Variants in PHOSPHO2 observed in about 807,000 individuals in gnomAD.
PHOSPHO2 encodes the protein phosphatase, orphan 2.
In PHOSPHO2, 14 loss-of-function variants were observed where a neutral mutation model predicts 16.4. The ratio of observed to expected loss-of-function variants is 0.85; its 90% CI spans 0.56 to 1.33. PHOSPHO2 has a LOEUF of 1.33. Ranked by LOEUF, PHOSPHO2 falls within the 40% of genes most tolerant of loss-of-function variation. PHOSPHO2 has a pLI of 0.00. For missense variants in PHOSPHO2, 246 were observed against 282.5 expected, an observed-to-expected ratio of 0.87 and a Z score of 0.93; for synonymous variants, 85 against 90.5, an observed-to-expected ratio of 0.94 and a Z score of 0.34.
intron 2 of PHOSPHO2, among the ~76,000 whole-genome samples, chr2:169,697,079 G>A (rs532573358): frequency 1.3e-5 from 2 of 151,278 alleles, no homozygotes; most frequent in African/African-American, 2.4e-5. Context: ...GCAGTGGCGC[G>A]ATCTCGGCTC....
At chr2:169,696,937 A>C (rs779016911) in intron 2 of PHOSPHO2, among the ~76,000 whole-genome samples, 9 of 152,210 alleles carry the variant, frequency 5.9e-5, no homozygotes, top group Non-Finnish European at 4.4e-5. Context: ...ACCAAGTGGA[A>C]AGCAAAACTT....
chr2:169,701,224 A>G lies in PHOSPHO2; in HGVS notation c.253A>G (p.Ile85Val), dbSNP rs1687744188. ...TPGMVELFNF[I>V]RKNKDKFDCI... Reference sequence around the variant, plus strand: ...AGGGATGGTGGAACTCTTCAACTTTATAAGAAAGAATAAGGATAAATTTGA... The same window carrying G: ...AGGGATGGTGGAACTCTTCAACTTTGTAAGAAAGAATAAGGATAAATTTGA... Residue 85 changes from isoleucine (I) to valine (V), a missense_variant, in exon 4 of 4, where the codon ATA becomes GTA. By Grantham distance (29) the Ile-to-Val change is conservative. Transcript: ENST00000359744. 3.7e-6 allele frequency: 6 copies of G among 1,614,062 alleles called. No individual in the cohort carries two copies. The highest frequency in any genetic ancestry group is 5.1e-6 in the Non-Finnish European group (6 of 1,179,980).
intron 2 of PHOSPHO2, among the ~76,000 whole-genome samples, chr2:169,695,970 ATAGTC>A (rs1255633705): frequency 1.3e-5 from 2 of 152,186 alleles, no homozygotes; most frequent in South Asian, 4.1e-4. Flanking sequence ...CCTTGAGACA[ATAGTC>A]TAGAGGAAAG....
intron 2 of PHOSPHO2, among the ~76,000 whole-genome samples, chr2:169,696,953 T>C (rs1014695846): frequency 1.3e-5 from 2 of 152,066 alleles, no homozygotes; most frequent in Non-Finnish European, 2.9e-5. Context: ...AACTTTGTTC[T>C]CCTATTGCCA....
At chr2:169,698,692 C>G (rs937858847) in intron 3 of PHOSPHO2, among the ~76,000 whole-genome samples, 11 of 152,140 alleles carry the variant, frequency 7.2e-5, no homozygotes, top group Non-Finnish European at 1.0e-4. Flanking sequence ...CCAGCTTATT[C>G]TTTCCTTTTC....
intron 3 of PHOSPHO2, among the ~76,000 whole-genome samples, chr2:169,699,621 C>T (rs546041077): frequency 1.3e-5 from 2 of 152,294 alleles, no homozygotes; most frequent in East Asian, 3.9e-4. Context: ...GATGGTTGAA[C>T]TAATTTAATT....
chr2:169,696,799 C>T (rs1687553773), intron 2 of PHOSPHO2, among the ~76,000 whole-genome samples: 1 of 152,150 alleles, frequency 6.6e-6, no homozygotes, highest in South Asian at 2.1e-4. Flanking sequence ...ATGTGGAACT[C>T]CTCTATTATT....
chr2:169,699,790 CT>C (rs941120013), intron 3 of PHOSPHO2, among the ~76,000 whole-genome samples: 1 of 151,956 alleles, frequency 6.6e-6, no homozygotes, highest in African/African-American at 2.4e-5. Context: ...TGATGTTGAG[CT>C]TTTTTTTCAT....
At chr2:169,700,479 A>G (rs1687713633) in intron 3 of PHOSPHO2, among the ~76,000 whole-genome samples, 1 of 151,942 alleles carries the variant, frequency 6.6e-6, no homozygotes, top group Non-Finnish European at 1.5e-5. Flanking sequence ...TTGTTACTAA[A>G]TACCTTTTCT....
intron 3 of PHOSPHO2, chr2:169,697,749 T>G (rs553238895): frequency 6.6e-6 from 1 of 152,250 alleles, no homozygotes; most frequent in East Asian, 1.9e-4. Context: ...ATTTGAAATT[T>G]GTTTTAATTA....
At chr2:169,695,310 T>C (rs1262431292) in intron 2 of PHOSPHO2, 63 bp downstream of exon 2, 1 of 152,238 alleles carries the variant, frequency 6.6e-6, no homozygotes, top group Non-Finnish European at 1.5e-5. Context: ...CATACAGCGC[T>C]GGTAGGTTTT....
chr2:169,701,699 A>G lies in PHOSPHO2; in HGVS notation c.*2A>G. 6.6e-7 allele frequency: 1 copy of G among 1,510,828 alleles called. No individual in the cohort carries two copies. Among genetic ancestry groups the G allele is most frequent in the Non-Finnish European group, 8.9e-7 (1 of 1,126,310 alleles). 93.6% of individuals were successfully genotyped at this position (1,510,828 alleles called of 1,614,324 possible). A position where few individuals can be genotyped will look rare whatever the true frequency, so the allele number is the denominator to read the frequency against. ...TTACAATTTCTAATAAAGGATTAATATGTCAGCAATTGAAAAGTGTATCAC... is the reference window on the plus strand; with the variant it reads ...TTACAATTTCTAATAAAGGATTAATGTGTCAGCAATTGAAAAGTGTATCAC... On this transcript the variant is annotated 3_prime_UTR_variant, in exon 4 of 4. Coordinates refer to ENST00000359744, the MANE Select transcript of PHOSPHO2 (RefSeq NM_001008489.4).
intron 1 of PHOSPHO2, 94 bp from the exon 2 acceptor site, chr2:169,695,121 C>T (rs1687468802): frequency 6.6e-6 from 1 of 152,228 alleles, no homozygotes; most frequent in Non-Finnish European, 1.5e-5. Context: ...GACGTGTACA[C>T]ATAATGCACC....
chr2:169,696,851 A>G (rs1276803961), intron 2 of PHOSPHO2, among the ~76,000 whole-genome samples: 6 of 152,202 alleles, frequency 3.9e-5, no homozygotes, highest in Admixed American at 3.9e-4. Flanking sequence ...AATCTCAATC[A>G]GCTTAACACT....
chr2:169,701,097 AT>A lies in PHOSPHO2; in HGVS notation c.130del (p.Trp44GlyfsTer17). 1 of 1,614,064 alleles carries A rather than the reference AT, an allele frequency of 6.2e-7. No homozygotes were observed. The highest frequency in any genetic ancestry group is 8.5e-7 in the Non-Finnish European group (1 of 1,179,984). On this transcript the variant is annotated frameshift_variant, in exon 4 of 4. Transcript: ENST00000359744. LOFTEE classifies it high-confidence loss of function. The part of the protein sequence containing the change: ...IELRDSYRKG[F>X]WTEFMGRVFK... The stretch of plus-strand genomic sequence containing the variant: ...AACTACGTGATTCTTATCGAAAAGG[AT>A]TTTGGACAGAATTTATGGGCAGAGT...
Position 169,701,253 on chromosome 2 carries a change from CATT to C in PHOSPHO2, c.289_291del (p.Ile97del). The C allele has an allele frequency of 6.2e-7, 1 of 1,613,722 alleles. No individual in the cohort carries two copies. On this transcript the variant is annotated inframe_deletion, in exon 4 of 4. Transcript: ENST00000359744. Reference sequence around the variant, plus strand: ...GAAAGAATAAGGATAAATTTGACTGCATTATTATTTCAGATTCAAATTCGGTCT... The same window carrying C: ...GAAAGAATAAGGATAAATTTGACTGCATTATTTCAGATTCAAATTCGGTCT...
Position 169,701,507 on chromosome 2 carries a change from A to T in PHOSPHO2, c.536A>T (p.Asp179Val). Residue 179 changes from aspartate (D) to valine (V), a missense_variant, in exon 4 of 4, where the codon GAT becomes GTT. Physicochemically the swap from Asp to Val is radical, Grantham distance 152. Transcript: ENST00000359744. Reference protein sequence around the residue: ...VNYTQIVYIGDGGNDVCPVTF... With the variant: ...VNYTQIVYIGVGGNDVCPVTF... Reference sequence around the variant, plus strand: ...TATACACAAATTGTTTATATTGGTGATGGTGGAAATGATGTCTGTCCAGTC... The same window carrying T: ...TATACACAAATTGTTTATATTGGTGTTGGTGGAAATGATGTCTGTCCAGTC... 1 of 1,613,630 alleles carries T rather than the reference A, an allele frequency of 6.2e-7. No homozygotes were observed. Among genetic ancestry groups the T allele is most frequent in the Non-Finnish European group, 8.5e-7 (1 of 1,179,888 alleles).
intron 3 of PHOSPHO2, among the ~76,000 whole-genome samples, chr2:169,699,638 C>T (rs1232274577): frequency 3.3e-5 from 5 of 152,198 alleles, no homozygotes; most frequent in Non-Finnish European, 7.3e-5. Context: ...AATTTACACT[C>T]CTACCAACAG....
Position 169,697,417 on chromosome 2 carries a change from T to C in PHOSPHO2, c.-141T>C, listed in dbSNP as rs1046141958. 3 of 152,220 alleles carry C rather than the reference T, an allele frequency of 2.0e-5. No individual in the cohort carries two copies. Among genetic ancestry groups the C allele is most frequent in the Non-Finnish European group, 2.9e-5 (2 of 68,038 alleles). 9.4% of individuals were successfully genotyped at this position (152,220 alleles called of 1,614,324 possible). ...ACCAGAAGACTCTGTTCCCTGTATA[T>C]AGAATAGGAGTAATATTTGAAAACA... On this transcript the variant is annotated 5_prime_UTR_variant, in exon 3 of 4. Coordinates refer to ENST00000359744, the MANE Select transcript of PHOSPHO2 (RefSeq NM_001008489.4).
Sources: gnomAD v4.1 joint callset for allele counts (sites outside exome capture counted in the v4.1 genomes callset) on GRCh38, gnomAD v4.1.1 for gene constraint, MANE v1.5 for transcripts, NCBI Gene and HGNC (gene_info 2026-07-23, HGNC 2026-07-21) for gene names.